Variants in SUPT20H observed in about 807,000 individuals in gnomAD.
SUPT20H encodes SPT20 homolog, SAGA complex component, also known as transcription factor SPT20 homolog.
Under a neutral mutation model 122.8 loss-of-function variants are expected in SUPT20H, and 82 were observed. The ratio of observed to expected loss-of-function variants is 0.67; its 90% CI spans 0.56 to 0.80. The LOEUF is 0.80. SUPT20H is among the 30% of genes least tolerant of loss of function. The pLI, the probability that SUPT20H is intolerant of heterozygous loss-of-function variation, is 0.00. For missense variants in SUPT20H, 831 were observed against 921.6 expected (o/e 0.90, Z 1.27); for synonymous variants, 291 against 313.0 (o/e 0.93, Z 0.74).
At position 37,054,606 on chromosome 13, in the gene SUPT20H, G is replaced by A. The variant is rs1430245398; in HGVS notation, c.-93-3023C>T. ...AACTCTCAATAAATTAGGTATTGATGGGACGTATCTCAAAATAATAAGAGC... is the reference window on the plus strand; with the variant it reads ...AACTCTCAATAAATTAGGTATTGATAGGACGTATCTCAAAATAATAAGAGC... On this transcript the variant is annotated intron_variant, in intron 1 of 25. Coordinates refer to ENST00000350612, the MANE Select transcript of SUPT20H (RefSeq NM_001014286.3). Among the ~76,000 whole-genome samples the A allele has an allele frequency of 9.2e-5, 14 of 152,276 alleles. No homozygotes were observed. In the South Asian group the frequency reaches 1.9e-3, roughly 20 times the overall value.
chr13:37,036,195 C>T (rs1010590314), intron 9 of SUPT20H, among the ~76,000 whole-genome samples: 1 of 151,984 alleles, frequency 6.6e-6, no homozygotes, highest in African/African-American at 2.4e-5. Context: ...CATTTTTTAG[C>T]AATAAAGTAT....
intron 7 of SUPT20H, 72 bp downstream of exon 7, chr13:37,044,006 T>A (rs1247654048): frequency 1.1e-6 from 1 of 929,600 alleles, no homozygotes; most frequent in Non-Finnish European, 1.6e-6. Flanking sequence ...TATACATACA[T>A]AAAAATGTGA....
chr13:37,026,224 T>A lies in SUPT20H; in HGVS notation c.1191A>T (p.Gly397=). The A allele has an allele frequency of 6.5e-7, 1 of 1,527,028 alleles. No individual in the cohort carries two copies. The allele number at this position is 1,527,028 out of a possible 1,614,324, so 94.6% of individuals were successfully genotyped here. ...TDDHSNWFII[G]SKTDAERVVN... is the part of the protein sequence containing the mutation. ...TTTACCTCTCAGCATCGGTCTTTGA[T>A]CCAATAATGAACCTAAAATGTTTAA... Residue 397 remains glycine (G), a synonymous_variant, in exon 16 of 26, where the codon GGA becomes GGT. Coordinates refer to ENST00000350612, the MANE Select transcript of SUPT20H (RefSeq NM_001014286.3).
intron 25 of SUPT20H, among the ~76,000 whole-genome samples, chr13:37,010,314 G>A (rs1245287989): frequency 2.0e-5 from 3 of 152,202 alleles, no homozygotes; most frequent in African/African-American, 7.2e-5. Context: ...AAAAATGTAT[G>A]TTAATGTGCC....
At chr13:37,042,539 A>G (rs1408793427) in intron 7 of SUPT20H, among the ~76,000 whole-genome samples, 1 of 152,200 alleles carries the variant, frequency 6.6e-6, no homozygotes, top group Non-Finnish European at 1.5e-5. Flanking sequence ...GAGGAAAACC[A>G]GGAAAATGAT....
chr13:37,048,607 A>C lies in SUPT20H; in HGVS notation c.4-8T>G. Reference sequence around the variant, plus strand: ...TAGTTCTAAAGCTTGTTGCTGTAAAAAGTAAATAGTATATTTGGTAATATT... The same window carrying C: ...TAGTTCTAAAGCTTGTTGCTGTAAACAGTAAATAGTATATTTGGTAATATT... On this transcript the variant is annotated splice_region_variant and splice_polypyrimidine_tract_variant and intron_variant, in intron 2 of 25. Coordinates refer to ENST00000350612, the MANE Select transcript of SUPT20H (RefSeq NM_001014286.3). 1 of 1,600,348 alleles carries C rather than the reference A, an allele frequency of 6.2e-7. No individual in the cohort carries two copies. The highest frequency in any genetic ancestry group is 8.5e-7 in the Non-Finnish European group (1 of 1,174,568).
chr13:37,032,594 T>C (rs1424951390), intron 10 of SUPT20H, among the ~76,000 whole-genome samples: 2 of 152,078 alleles, frequency 1.3e-5, no homozygotes, highest in African/African-American at 4.8e-5. Context: ...GTATAACTGA[T>C]GAATTGCTGG....
At chr13:37,042,806 G>C (rs1247458500) in intron 7 of SUPT20H, among the ~76,000 whole-genome samples, 2 of 152,174 alleles carry the variant, frequency 1.3e-5, no homozygotes, top group Admixed American at 1.3e-4. Flanking sequence ...AGAGTAACAA[G>C]AGCAGTAGTT....
At chr13:37,025,676 T>G (rs144635969) in intron 16 of SUPT20H, among the ~76,000 whole-genome samples, 304 of 152,296 alleles carry the variant, frequency 2.0e-3, no homozygotes, top group Middle Eastern at 0.01. Flanking sequence ...TTCAATATCT[T>G]ATTTCTAATA....
In SUPT20H at chr13:37,009,595, A is replaced by C; in HGVS notation, c.*77T>G. On this transcript the variant is annotated 3_prime_UTR_variant, in exon 26 of 26. Coordinates refer to ENST00000350612, the MANE Select transcript of SUPT20H (RefSeq NM_001014286.3). ...TGTAAAATACTGACACATTAAAAAA[A>C]ACAAAAAGTAGAAACTCAATTCTTT... 1.3e-6 allele frequency: 2 copies of C among 1,573,730 alleles called. No homozygotes were observed. Among genetic ancestry groups the C allele is most frequent in the Non-Finnish European group, 1.7e-6 (2 of 1,144,778 alleles).
intron 24 of SUPT20H, among the ~76,000 whole-genome samples, chr13:37,011,371 A>G (rs969542509): frequency 6.6e-6 from 1 of 152,228 alleles, no homozygotes; most frequent in South Asian, 2.1e-4. Context: ...ATAAACTTCT[A>G]TTTGGAAATT....
At chr13:37,033,874 C>T (rs999276714) in intron 9 of SUPT20H, among the ~76,000 whole-genome samples, 4 of 152,196 alleles carry the variant, frequency 2.6e-5, no homozygotes, top group African/African-American at 9.7e-5. Context: ...CTAAGCAAGG[C>T]TATCAGCATC....
chr13:37,051,606 C>G, intron 1 of SUPT20H, 23 bp from the exon 2 acceptor site: 1 of 786,448 alleles, frequency 1.3e-6, no homozygotes, highest in Non-Finnish European at 2.0e-6. Context: ...AACAATAAAA[C>G]CCCAATATTA....
chr13:37,043,522 A>G (rs1276740235), intron 7 of SUPT20H, among the ~76,000 whole-genome samples: 2 of 152,190 alleles, frequency 1.3e-5, no homozygotes, highest in African/African-American at 4.8e-5. Flanking sequence ...GAGATTTCCA[A>G]TTGATGAGCT....
intron 19 of SUPT20H, among the ~76,000 whole-genome samples, chr13:37,023,368 A>G (rs868077121): frequency 1.3e-5 from 2 of 152,204 alleles, no homozygotes; most frequent in Non-Finnish European, 2.9e-5. Flanking sequence ...CCAAATTGGT[A>G]CTTTCAGATA....
At chr13:37,047,173 GA>G (rs1211203988) in intron 5 of SUPT20H, 1 of 154,916 alleles carries the variant, frequency 6.5e-6, no homozygotes, top group Non-Finnish European at 1.4e-5. Context: ...ATCATCATGA[GA>G]AAACAGGTTA....
At chr13:37,023,125 G>T in intron 19 of SUPT20H, 1 of 1,178,810 alleles carries the variant, frequency 8.5e-7, no homozygotes, top group Non-Finnish European at 1.1e-6. Context: ...GTGTGCAGTA[G>T]ATTACCATAA....
intron 9 of SUPT20H, chr13:37,040,110 C>T: frequency 4.0e-6 from 1 of 250,282 alleles, no homozygotes; most frequent in Non-Finnish European, 7.5e-6. Flanking sequence ...TATTTGTAAC[C>T]ATGGTAAAAA....
intron 20 of SUPT20H, among the ~76,000 whole-genome samples, 167 bp downstream of exon 20, chr13:37,021,844 T>C (rs540302349): frequency 6.6e-6 from 1 of 152,336 alleles, no homozygotes; most frequent in South Asian, 2.1e-4. Flanking sequence ...AGATGTATTA[T>C]TTAAAATTAA....
Sources: gnomAD v4.1 joint callset for allele counts (sites outside exome capture counted in the v4.1 genomes callset) on GRCh38, gnomAD v4.1.1 for gene constraint, MANE v1.5 for transcripts, NCBI Gene and HGNC (gene_info 2026-07-23, HGNC 2026-07-21) for gene names.